The following KCNIP4 variants were observed in gnomAD, a reference collection of about 807,000 sequenced individuals.
The protein encoded by KCNIP4 is Kv channel-interacting protein 4.
A neutral mutation model predicts 34.0 loss-of-function variants in KCNIP4; 12 were observed. That is an observed-to-expected ratio of 0.35 (90% CI 0.23 to 0.57). KCNIP4 has a LOEUF of 0.57. KCNIP4 is among the 20% of genes least tolerant of loss of function. KCNIP4 has a pLI of 0.83. For missense variants in KCNIP4, 238 were observed against 311.7 expected (o/e 0.76, Z 1.78); for synonymous variants, 124 against 102.2 (o/e 1.21, Z -1.29).
chr4:21,130,757 T>C (rs1344091644), intron 1 of KCNIP4, among the ~76,000 whole-genome samples: 1 of 152,200 alleles, frequency 6.6e-6, no homozygotes, highest in Non-Finnish European at 1.5e-5. Flanking sequence ...AGATTTAAAA[T>C]ACTATAGTAT....
Position 20,743,979 on chromosome 4 carries a change from A to C in KCNIP4, c.429+5683T>G, listed in dbSNP as rs532074601. Among the ~76,000 whole-genome samples the C allele has an allele frequency of 3.9e-3, 596 of 152,330 alleles. 6 individuals are homozygous for C. Among genetic ancestry groups the C allele is most frequent in the African/African-American group, 0.013 (559 of 41,570 alleles). ...ATATGAACAGACTCTTCTCAAAAGA[A>C]GACATTTATGCAGCCACCAGACACA... On this transcript the variant is annotated intron_variant, in intron 5 of 8. Coordinates refer to ENST00000382152, the MANE Select transcript of KCNIP4 (RefSeq NM_025221.6).
chr4:21,016,928 G>A (rs1381794152), intron 1 of KCNIP4, among the ~76,000 whole-genome samples: 1 of 152,136 alleles, frequency 6.6e-6, no homozygotes, highest in Admixed American at 6.5e-5. Flanking sequence ...ACAAAATGGT[G>A]CCTTCCAGAG....
chr4:21,444,247 A>G (rs1727759613), intron 1 of KCNIP4, among the ~76,000 whole-genome samples: 1 of 152,224 alleles, frequency 6.6e-6, no homozygotes, highest in Non-Finnish European at 1.5e-5. Context: ...TCAATAGAAA[A>G]AGAGAGAATC....
chr4:21,415,213 T>A (rs1397961588), intron 1 of KCNIP4, among the ~76,000 whole-genome samples: 1 of 152,070 alleles, frequency 6.6e-6, no homozygotes, highest in Non-Finnish European at 1.5e-5. Context: ...AAATACTGCA[T>A]GATTCCACTT....
intron 1 of KCNIP4, among the ~76,000 whole-genome samples, chr4:21,015,795 A>G (rs1450937346): frequency 7.3e-6 from 1 of 137,130 alleles, no homozygotes; most frequent in African/African-American, 2.7e-5. Context: ...ATAAATATAT[A>G]TAAATATATA....
chr4:21,355,561 A>G (rs1350409417), intron 1 of KCNIP4, among the ~76,000 whole-genome samples: 1 of 152,208 alleles, frequency 6.6e-6, no homozygotes, highest in Admixed American at 6.5e-5. Context: ...GAAGAAATGG[A>G]TAAATTCCTG....
chr4:21,769,146 C>T (rs904474494), intron 1 of KCNIP4, among the ~76,000 whole-genome samples: 26 of 151,218 alleles, frequency 1.7e-4, no homozygotes, highest in Admixed American at 6.6e-5. Flanking sequence ...ACTCTCTCCA[C>T]ACTGTCATCA....
chr4:21,619,495 G>C (rs1744859907), intron 1 of KCNIP4, among the ~76,000 whole-genome samples: 1 of 152,186 alleles, frequency 6.6e-6, no homozygotes, highest in African/African-American at 2.4e-5. Context: ...CAATCAGACA[G>C]TCCAAATTCT....
At chr4:21,145,891 A>G (rs983317814) in intron 1 of KCNIP4, among the ~76,000 whole-genome samples, 1 of 152,162 alleles carries the variant, frequency 6.6e-6, no homozygotes, top group Non-Finnish European at 1.5e-5. Context: ...ACAATAGATA[A>G]ACATCAGGTC....
At chr4:21,440,604 G>T (rs925120766) in intron 1 of KCNIP4, among the ~76,000 whole-genome samples, 3 of 152,148 alleles carry the variant, frequency 2.0e-5, no homozygotes, top group Admixed American at 2.0e-4. Context: ...GGCGTCCGCC[G>T]GATGGAACTG....
chr4:21,423,320 A>G (rs1456396216), intron 1 of KCNIP4, among the ~76,000 whole-genome samples: 1 of 152,228 alleles, frequency 6.6e-6, no homozygotes, highest in Non-Finnish European at 1.5e-5. Flanking sequence ...ACTGCAAAAA[A>G]CATAAGTTTG....
intron 1 of KCNIP4, among the ~76,000 whole-genome samples, chr4:21,240,701 T>C (rs1254516226): frequency 6.6e-6 from 1 of 152,166 alleles, no homozygotes. Flanking sequence ...TGATGGCAGA[T>C]TGAACTGGAG....
chr4:21,452,273 G>T (rs1291428569), intron 1 of KCNIP4, among the ~76,000 whole-genome samples: 1 of 152,114 alleles, frequency 6.6e-6, no homozygotes, highest in Non-Finnish European at 1.5e-5. Flanking sequence ...CTAGCATACA[G>T]CTAAGTGTCT....
At chr4:21,436,078 A>T (rs1420573489) in intron 1 of KCNIP4, among the ~76,000 whole-genome samples, 1 of 152,168 alleles carries the variant, frequency 6.6e-6, no homozygotes, top group African/African-American at 2.4e-5. Flanking sequence ...TAGACGGCAC[A>T]TTTCTCTACT....
At chr4:21,817,380 T>C (rs1265493019) in intron 1 of KCNIP4, among the ~76,000 whole-genome samples, 2 of 152,186 alleles carry the variant, frequency 1.3e-5, no homozygotes, top group Non-Finnish European at 2.9e-5. Flanking sequence ...ATAATTGTGT[T>C]AACTGTACAA....
At chr4:21,861,552 C>G (rs4697242) in intron 1 of KCNIP4, among the ~76,000 whole-genome samples, 129,843 of 151,306 alleles carry the variant, frequency 0.86, 59,243 homozygotes, top group East Asian at 1. Flanking sequence ...TTGGGAGGCT[C>G]AGGCAGGAGA....
At chr4:21,509,448 G>A (rs773592404) in intron 1 of KCNIP4, among the ~76,000 whole-genome samples, 13 of 152,156 alleles carry the variant, frequency 8.5e-5, no homozygotes, top group Non-Finnish European at 1.8e-4. Context: ...TCCTTTGCTT[G>A]TTGGGATGAT....
intron 1 of KCNIP4, among the ~76,000 whole-genome samples, chr4:20,947,586 T>C (rs1053944777): frequency 6.6e-6 from 1 of 152,206 alleles, no homozygotes; most frequent in Non-Finnish European, 1.5e-5. Context: ...CTACTTTACA[T>C]GAATTTTTAA....
chr4:21,606,952 G>A (rs1280830932), intron 1 of KCNIP4, among the ~76,000 whole-genome samples: 1 of 151,854 alleles, frequency 6.6e-6, no homozygotes, highest in Non-Finnish European at 1.5e-5. Context: ...CCACTCCTTA[G>A]GACCCTTGTG....
Sources: gnomAD v4.1 joint callset for allele counts (sites outside exome capture counted in the v4.1 genomes callset) on GRCh38, gnomAD v4.1.1 for gene constraint, MANE v1.5 for transcripts, NCBI Gene and HGNC (gene_info 2026-07-23, HGNC 2026-07-21) for gene names.